Variants in MEGF6 observed in about 807,000 individuals in gnomAD.
The protein encoded by MEGF6 is multiple epidermal growth factor-like domains protein 6.
In MEGF6, 184 loss-of-function variants were observed where a neutral mutation model predicts 207.1. That is an observed-to-expected ratio of 0.89 (90% CI 0.79 to 1.00). The LOEUF is 1.00. Ranked by LOEUF, MEGF6 falls within the 50% of genes least tolerant of loss-of-function variation. MEGF6 has a pLI of 0.00. For missense variants in MEGF6, 2,282 were observed against 2,202.9 expected (o/e 1.04, Z -0.72); for synonymous variants, 1,038 against 910.0 (o/e 1.14, Z -2.53).
chr1:3,584,010 C>T (rs1294294880), intron 3 of MEGF6, among the ~76,000 whole-genome samples: 1 of 152,232 alleles, frequency 6.6e-6, no homozygotes, highest in Admixed American at 6.5e-5. Flanking sequence ...CAGTGAGGAC[C>T]GTGGCCATTT....
intron 4 of MEGF6, among the ~76,000 whole-genome samples, chr1:3,572,232 GA>G (rs1643521885): frequency 7.2e-6 from 1 of 139,410 alleles, no homozygotes. Context: ...GGTCCTTCCC[GA>G]GTGTGCTGGG....
intron 5 of MEGF6, among the ~76,000 whole-genome samples, 166 bp downstream of exon 5, chr1:3,523,958 C>T (rs1245884414): frequency 2.0e-5 from 3 of 152,180 alleles, no homozygotes; most frequent in South Asian, 2.1e-4. Context: ...GGGCAAGGTG[C>T]GGGCAGGATT....
At chr1:3,601,687 ATTATTG>A (rs1644161408) in intron 2 of MEGF6, among the ~76,000 whole-genome samples, 1 of 152,172 alleles carries the variant, frequency 6.6e-6, no homozygotes, top group African/African-American at 2.4e-5. Context: ...GAGAACCACC[ATTATTG>A]CTTAACGGTT....
rs749751884 is a variant in MEGF6, at chr1:3,515,522, TA to T, written c.609del (p.Asn204ThrfsTer73). 7 of 1,611,844 alleles carry T rather than the reference TA, an allele frequency of 4.3e-6. No homozygotes were observed. The Admixed American group carries it at 1.2e-4, about 27-fold the overall frequency. ...CCGCCATTGCCCAGGGCGCAGGAGT[TA>T]ATGGCTGGGGACACAGGGAGGACCC... ...LHTDSRTCLA[I>X]NSCALGNGGC... On this transcript the variant is annotated frameshift_variant, in exon 6 of 37. Transcript: ENST00000356575. LOFTEE classifies it high-confidence loss of function.
chr1:3,492,553 G>C (rs1640415625), intron 35 of MEGF6, 86 bp downstream of exon 35: 1 of 1,568,126 alleles, frequency 6.4e-7, no homozygotes, highest in African/African-American at 1.3e-5. Flanking sequence ...TCCGCAGTGG[G>C]TGAGAGAGGG....
chr1:3,571,696 G>C (rs187626109), intron 4 of MEGF6, among the ~76,000 whole-genome samples: 1 of 148,204 alleles, frequency 6.7e-6, no homozygotes, highest in African/African-American at 2.5e-5. Flanking sequence ...CCTTCCTGGC[G>C]TGCTGGGTTC....
chr1:3,578,220 TC>T (rs1643696255), intron 4 of MEGF6, among the ~76,000 whole-genome samples: 1 of 152,128 alleles, frequency 6.6e-6, no homozygotes, highest in Non-Finnish European at 1.5e-5. Context: ...CACAGCCCCG[TC>T]CCGGAAACCT....
At chr1:3,577,204 G>A (rs554717781) in intron 4 of MEGF6, among the ~76,000 whole-genome samples, 18 of 152,282 alleles carry the variant, frequency 1.2e-4, no homozygotes, top group African/African-American at 4.3e-4. Flanking sequence ...CTTGTCAACT[G>A]CCCCCTGTGA....
At position 3,507,914 on chromosome 1, in the gene MEGF6, GGA is replaced by G; in HGVS notation, c.1668_1669del (p.Pro557GlyfsTer36). 6.2e-7 allele frequency: 1 copy of G among 1,611,454 alleles called. No homozygotes were observed. Among genetic ancestry groups the G allele is most frequent in the African/African-American group, 1.3e-5 (1 of 75,040 alleles). On this transcript the variant is annotated frameshift_variant, in exon 14 of 37. Coordinates refer to ENST00000356575, the MANE Select transcript of MEGF6 (RefSeq NM_001409.4). LOFTEE classifies it high-confidence loss of function. ...GCTGCAGTTCTTCCCAAAGGTGTCC[GGA>G]GGACAAGCTACAAAGAATGACAGGG...
At chr1:3,577,208 C>G (rs2101735283) in intron 4 of MEGF6, among the ~76,000 whole-genome samples, 1 of 152,322 alleles carries the variant, frequency 6.6e-6, no homozygotes, top group African/African-American at 2.4e-5. Context: ...TCAACTGCCC[C>G]CTGTGAAGGC....
At chr1:3,491,973 G>A (rs1353546543) in intron 35 of MEGF6, among the ~76,000 whole-genome samples, 1 of 151,902 alleles carries the variant, frequency 6.6e-6, no homozygotes, top group East Asian at 1.9e-4. Context: ...TGCCGCACAT[G>A]CATGCACTAT....
intron 4 of MEGF6, among the ~76,000 whole-genome samples, chr1:3,542,131 G>C (rs996296285): frequency 1.3e-5 from 2 of 152,278 alleles, no homozygotes; most frequent in East Asian, 3.9e-4. Context: ...TTATCTCCTG[G>C]AAGGAGGGGT....
chr1:3,498,417 G>T lies in MEGF6; in HGVS notation c.3306C>A (p.Gly1102=). Residue 1102 remains glycine, a synonymous_variant, in exon 26 of 37, where the codon GGC becomes GGA. Coordinates refer to ENST00000356575, the MANE Select transcript of MEGF6 (RefSeq NM_001409.4). ...TCCAGCCGGCTGGGCAGAGGCAGCG[G>T]CCCGTGTGCGGGTCACACAGGCCCC... is the stretch of plus-strand genomic sequence containing the variant. The part of the protein sequence containing the change: ...LNGGLCDPHT[G]RCLCPAGWTG... 1 of 1,590,640 alleles carries T rather than the reference G, an allele frequency of 6.3e-7. No individual in the cohort carries two copies.
At chr1:3,524,017 G>A in intron 5 of MEGF6, 107 bp downstream of exon 5, 2 of 1,325,612 alleles carry the variant, frequency 1.5e-6, no homozygotes, top group Non-Finnish European at 2.1e-6. Context: ...AGCGGCCTCT[G>A]CCTCTCCATG....
chr1:3,558,562 C>T (rs963854376), intron 4 of MEGF6, among the ~76,000 whole-genome samples: 1 of 152,162 alleles, frequency 6.6e-6, no homozygotes, highest in African/African-American at 2.4e-5. Flanking sequence ...CGTGCGTTTT[C>T]CCTATTTGGA....
chr1:3,607,839 G>A (rs575070869), intron 1 of MEGF6, among the ~76,000 whole-genome samples: 41 of 152,362 alleles, frequency 2.7e-4, no homozygotes, highest in Admixed American at 1.6e-3. Context: ...GCAGAGCCGG[G>A]GCTCCACGGG....
intron 4 of MEGF6, among the ~76,000 whole-genome samples, chr1:3,542,509 G>C (rs1034670623): frequency 6.6e-6 from 1 of 152,140 alleles, no homozygotes; most frequent in East Asian, 1.9e-4. Context: ...CCTGGTCCCC[G>C]AGGACCATGG....
upstream of MEGF6, among the ~76,000 whole-genome samples, chr1:3,614,141 CAT>C (rs1032972600): frequency 6.6e-6 from 1 of 152,176 alleles, no homozygotes; most frequent in Non-Finnish European, 1.5e-5. Flanking sequence ...CTCGCTCGTC[CAT>C]AGACAGAACC....
chr1:3,499,535 G>A (rs1206718103), intron 23 of MEGF6, 53 bp downstream of exon 23: 38 of 1,544,164 alleles, frequency 2.5e-5, no homozygotes, highest in Non-Finnish European at 3.1e-5. Flanking sequence ...CTCCTACGGA[G>A]GACCTGGCAC....
Sources: allele counts gnomAD v4.1 joint callset (sites outside exome capture counted in the v4.1 genomes callset), GRCh38; gene constraint gnomAD v4.1.1; transcripts MANE v1.5; gene names NCBI Gene and HGNC (gene_info 2026-07-23, HGNC 2026-07-21).